COPG2: variants seen among roughly 807,000 people sequenced by gnomAD.
COPG2 encodes the protein coatomer subunit gamma-2.
Under a neutral mutation model 46.3 loss-of-function variants are expected in COPG2, and 37 were observed. The observed-to-expected ratio is 0.80, with a 90% CI of 0.61 to 1.05. COPG2 has a LOEUF of 1.05. COPG2 is among the 50% of genes least tolerant of loss of function. The probability of loss-of-function intolerance (pLI) is 0.00; values close to 1 mark genes in which losing one functional copy is unlikely to be tolerated. For missense variants in COPG2, 427 were observed against 387.8 expected, an observed-to-expected ratio of 1.10 and a Z score of -0.85; for synonymous variants, 159 against 129.7, an observed-to-expected ratio of 1.23 and a Z score of -1.53.
At chr7:130,659,844 G>A (rs1007920319) in intron 4 of COPG2, among the ~76,000 whole-genome samples, 2 of 151,808 alleles carry the variant, frequency 1.3e-5, no homozygotes, top group African/African-American at 4.8e-5. Flanking sequence ...CCCGGGAGGC[G>A]GAGGCTGCAG....
intron 5 of COPG2, among the ~76,000 whole-genome samples, chr7:130,649,663 T>C (rs1392631633): frequency 1.3e-5 from 2 of 152,218 alleles, no homozygotes; most frequent in African/African-American, 4.8e-5. Flanking sequence ...AGATGATAAA[T>C]GTTTTCTCTA....
Position 130,583,145 on chromosome 7 carries a change from C to T in COPG2, c.738-18752G>A, listed in dbSNP as rs868948580. Among the ~76,000 whole-genome samples the T allele has an allele frequency of 3.4e-3, 509 of 151,498 alleles. 8 individuals are homozygous for T. Among genetic ancestry groups the T allele is most frequent in the Middle Eastern group, 6.8e-3 (2 of 294 alleles). On this transcript the variant is annotated intron_variant, in intron 9 of 23. Transcript: ENST00000425248. ...GGATTAAGAAAATGTGGCCCATATA[C>T]ACCATGGAATACTATGCAGCCATAA...
At chr7:130,653,053 C>A in intron 4 of COPG2, 105 bp from the exon 5 acceptor site, 2 of 690,702 alleles carry the variant, frequency 2.9e-6, no homozygotes, top group Non-Finnish European at 2.4e-6. Context: ...GAAAGATATT[C>A]TTTAAAAGAG....
At chr7:130,616,062 C>T (rs1284128394) in intron 6 of COPG2, among the ~76,000 whole-genome samples, 3 of 152,100 alleles carry the variant, frequency 2.0e-5, no homozygotes, top group Non-Finnish European at 4.4e-5. Flanking sequence ...ACATTGTCTC[C>T]TCAAGGCTTT....
At chr7:130,626,767 C>T (rs1795128271) in intron 5 of COPG2, among the ~76,000 whole-genome samples, 1 of 152,152 alleles carries the variant, frequency 6.6e-6, no homozygotes, top group Non-Finnish European at 1.5e-5. Context: ...AAAGGCACTT[C>T]TTTTTTCCTT....
At chr7:130,593,824 A>G (rs1274671606) in intron 9 of COPG2, among the ~76,000 whole-genome samples, 2 of 152,224 alleles carry the variant, frequency 1.3e-5, no homozygotes, top group African/African-American at 4.8e-5. Context: ...AGTTGAAGCT[A>G]TAATGCTTAT....
intron 9 of COPG2, among the ~76,000 whole-genome samples, chr7:130,595,230 C>G (rs1794504954): frequency 6.6e-6 from 1 of 152,086 alleles, no homozygotes; most frequent in African/African-American, 2.4e-5. Context: ...ATCTTGAAAA[C>G]ATTATACTAA....
Position 130,563,406 on chromosome 7 carries a change from G to A in COPG2, c.872-70C>T, listed in dbSNP as rs1218142628. The A allele has an allele frequency of 3.8e-5, 15 of 390,460 alleles. No homozygotes were observed. In the Admixed American group the frequency reaches 6.2e-4, roughly 16 times the overall value. The allele number at this position is 390,460 out of a possible 1,614,324, so 24.2% of individuals were successfully genotyped here. Reference sequence around the variant, plus strand: ...ACATATACATACCGTGAATACTCCTGGCTTAAGAGAACTATAGAAAAGTTG... The same window carrying A: ...ACATATACATACCGTGAATACTCCTAGCTTAAGAGAACTATAGAAAAGTTG... On this transcript the variant is annotated intron_variant, in intron 10 of 23. Transcript: ENST00000425248.
At chr7:130,549,102 G>T (rs1190820723) in intron 18 of COPG2, among the ~76,000 whole-genome samples, 1 of 148,696 alleles carries the variant, frequency 6.7e-6, no homozygotes, top group African/African-American at 2.5e-5. Context: ...GTTAACCAAC[G>T]AGATACAGAA....
chr7:130,614,341 A>G (rs557671423), intron 6 of COPG2, among the ~76,000 whole-genome samples: 500 of 152,346 alleles, frequency 3.3e-3, no homozygotes, highest in Non-Finnish European at 4.6e-3. Flanking sequence ...ACAACAGTGC[A>G]CCAAAAAATA....
intron 22 of COPG2, 90 bp from the exon 23 acceptor site, chr7:130,507,462 AGGGTTTGTT>A: frequency 6.6e-6 from 5 of 754,676 alleles, no homozygotes; most frequent in Non-Finnish European, 1.2e-5. Flanking sequence ...CTGGGGTGGA[AGGGTTTGTT>A]GGTGAAGGGG....
At chr7:130,648,050 T>A (rs1335707409) in intron 5 of COPG2, among the ~76,000 whole-genome samples, 3 of 152,118 alleles carry the variant, frequency 2.0e-5, no homozygotes, top group Non-Finnish European at 1.5e-5. Context: ...AGATTTTAAT[T>A]TGCATTTCCC....
intron 20 of COPG2, among the ~76,000 whole-genome samples, chr7:130,518,274 G>C (rs917309234): frequency 8.5e-4 from 129 of 152,300 alleles, no homozygotes; most frequent in African/African-American, 2.8e-3. Context: ...GTAACATCAA[G>C]ATAGGAAGAA....
chr7:130,554,091 A>G (rs1793577445), intron 14 of COPG2, among the ~76,000 whole-genome samples: 1 of 152,208 alleles, frequency 6.6e-6, no homozygotes, highest in Admixed American at 6.5e-5. Flanking sequence ...GCTAGTGAAA[A>G]GCTCATAGAC....
At chr7:130,659,502 G>A (rs997321695) in intron 4 of COPG2, among the ~76,000 whole-genome samples, 3 of 152,104 alleles carry the variant, frequency 2.0e-5, no homozygotes, top group Admixed American at 1.3e-4. Flanking sequence ...ATCTACCAAT[G>A]GGAGAATGGA....
At chr7:130,605,070 T>C in intron 9 of COPG2, 1 of 437,904 alleles carries the variant, frequency 2.3e-6, no homozygotes. Flanking sequence ...TCACCTTTGC[T>C]TCCAGATTCC....
chr7:130,545,790 CTA>C (rs1287647708), intron 20 of COPG2, among the ~76,000 whole-genome samples: 1 of 152,062 alleles, frequency 6.6e-6, no homozygotes, highest in Non-Finnish European at 1.5e-5. Context: ...TTTGTAAGAT[CTA>C]TGTTTTAAAA....
intron 9 of COPG2, 104 bp downstream of exon 9, chr7:130,610,849 G>A (rs782734715): frequency 3.1e-5 from 35 of 1,112,508 alleles, no homozygotes; most frequent in South Asian, 2.2e-4. Flanking sequence ...GAACTCATCT[G>A]TAAAGTTAGC....
intron 5 of COPG2, among the ~76,000 whole-genome samples, chr7:130,627,774 TG>T (rs1252917115): frequency 9.8e-5 from 1 of 10,178 alleles, no homozygotes; most frequent in Non-Finnish European, 2.0e-4. Context: ...ATGCGGGGGG[TG>T]GGGGGTGTGG....
Sources: allele counts gnomAD v4.1 joint callset (sites outside exome capture counted in the v4.1 genomes callset), GRCh38; gene constraint gnomAD v4.1.1; transcripts MANE v1.5; gene names NCBI Gene and HGNC (gene_info 2026-07-23, HGNC 2026-07-21).